The following JAKMIP3 variants were observed in gnomAD, a reference collection of about 807,000 sequenced individuals.
JAKMIP3 encodes the protein janus kinase and microtubule-interacting protein 3.
Under a neutral mutation model 118.5 loss-of-function variants are expected in JAKMIP3, and 58 were observed. That is an observed-to-expected ratio of 0.49 (90% CI 0.40 to 0.61). The LOEUF (loss-of-function observed/expected upper bound fraction) is 0.61. Ranked by LOEUF, JAKMIP3 falls within the 20% of genes least tolerant of loss-of-function variation. JAKMIP3 has a pLI of 0.00. For missense variants in JAKMIP3, 950 were observed against 1,109.0 expected (o/e 0.86, Z 2.04); for synonymous variants, 486 against 451.2 (o/e 1.08, Z -0.98).
rs7084377 is a variant in JAKMIP3 at position 132,119,370 on chromosome 10, C to T, written c.633+1796C>T. The stretch of plus-strand genomic sequence containing the variant: ...TATCTTTCCCTTTAGGATTGGTACT[C>T]ACTTTGTCTTGTTTAGGAAATCTTT... On this transcript the variant is annotated intron_variant, in intron 3 of 23. Coordinates refer to ENST00000684848, the MANE Select transcript of JAKMIP3 (RefSeq NM_001323087.2). 9.2e-3 allele frequency among the ~76,000 whole-genome samples: 1,407 copies of T among 152,268 alleles called. 28 individuals carry two copies. The highest frequency in any genetic ancestry group is 0.032 in the African/African-American group (1,330 of 41,540).
intron 2 of JAKMIP3, among the ~76,000 whole-genome samples, chr10:132,109,017 G>GCAAATGTATATATA (rs1564908103): frequency 2.2e-4 from 25 of 115,818 alleles, no homozygotes; most frequent in African/African-American, 7.7e-4. Context: ...ATGTATATAT[G>GCAAATGTATATATA]TATACAAATT....
At chr10:132,084,474 CAT>C (rs2042143439) in intron 1 of JAKMIP3, among the ~76,000 whole-genome samples, 1 of 152,190 alleles carries the variant, frequency 6.6e-6, no homozygotes, top group South Asian at 2.1e-4. Context: ...ACAATCATAT[CAT>C]CAGCAAACAG....
chr10:132,081,748 C>T (rs894569202), intron 1 of JAKMIP3, among the ~76,000 whole-genome samples: 2 of 152,076 alleles, frequency 1.3e-5, no homozygotes, highest in Non-Finnish European at 2.9e-5. Flanking sequence ...GCTGAGCCAA[C>T]TGGCCTTTCC....
At chr10:132,105,499 C>G (rs937225523) in intron 2 of JAKMIP3, among the ~76,000 whole-genome samples, 1 of 117,644 alleles carries the variant, frequency 8.5e-6, no homozygotes, top group African/African-American at 3.3e-5. Context: ...TTTGAAGCCT[C>G]GGGAAAGATT....
At chr10:132,036,749 G>GCCGGGGTGGGGCCGCGA (rs1394312658) in intron 1 of JAKMIP3, among the ~76,000 whole-genome samples, 3 of 151,108 alleles carry the variant, frequency 2.0e-5, no homozygotes, top group Non-Finnish European at 4.4e-5. Flanking sequence ...GTGAGCAGCG[G>GCCGGGGTGGGGCCGCGA]CCGGGGTGGG....
intron 1 of JAKMIP3, among the ~76,000 whole-genome samples, chr10:132,100,183 G>A (rs117789140): frequency 1.7e-4 from 16 of 93,246 alleles, no homozygotes; most frequent in South Asian, 3.5e-4. Flanking sequence ...CGGACCCCCC[G>A]CACAGACCCC....
chr10:132,083,907 G>A (rs9419352), intron 1 of JAKMIP3, among the ~76,000 whole-genome samples: 118,195 of 152,152 alleles, frequency 0.78, 47,217 homozygotes, highest in East Asian at 1. Context: ...CTGTTTTTAT[G>A]CCAGTACCAC....
At chr10:132,082,912 CCA>C (rs1471476952) in intron 1 of JAKMIP3, among the ~76,000 whole-genome samples, 4 of 152,230 alleles carry the variant, frequency 2.6e-5, no homozygotes, top group Non-Finnish European at 4.4e-5. Context: ...CCGGCCTATA[CCA>C]CAGTTTCTTT....
At chr10:132,041,837 A>G (rs2037762945) in intron 1 of JAKMIP3, among the ~76,000 whole-genome samples, 1 of 148,808 alleles carries the variant, frequency 6.7e-6, no homozygotes, top group African/African-American at 2.5e-5. Flanking sequence ...TTTTCTTTCT[A>G]TCCTTTCTTT....
In JAKMIP3 at chr10:132,153,887, C is replaced by T. The variant is rs369683550; in HGVS notation, c.2143-26C>T. The T allele has an allele frequency of 2.5e-5, 41 of 1,612,582 alleles. 2 individuals are homozygous for T. The highest frequency in any genetic ancestry group is 5.5e-5 in the South Asian group (5 of 91,064). ...GTGCTGCAGGTGGGACATCCGAGAC[C>T]GAGGCATGGCCCTCCTGTGTTTCAG... On this transcript the variant is annotated intron_variant, in intron 18 of 23. Coordinates refer to ENST00000684848, the MANE Select transcript of JAKMIP3 (RefSeq NM_001323087.2).
chr10:132,133,513 C>T lies in JAKMIP3; in HGVS notation c.835C>T (p.His279Tyr). The T allele has an allele frequency of 1.3e-6, 2 of 1,566,756 alleles. No individual in the cohort carries two copies. Among genetic ancestry groups the T allele is most frequent in the Non-Finnish European group, 1.7e-6 (2 of 1,156,866 alleles). ...AGCTGGTGCAGGAGACGCTTCAGAC[C>T]ACTCGGGAAGCCCTGTAAGCACCTC... ...HAAGAGDASD[H>Y]SGSPEQQLDE... is the part of the protein sequence containing the mutation. The change falls in exon 4 of 24, where the codon CAC becomes TAC. Residue 279 changes from histidine (H) to tyrosine (Y), a missense_variant. By Grantham distance (83) the His-to-Tyr change is moderately conservative. Transcript: ENST00000684848.
chr10:132,083,855 T>C (rs547705315), intron 1 of JAKMIP3, among the ~76,000 whole-genome samples: 3 of 152,200 alleles, frequency 2.0e-5, no homozygotes, highest in Non-Finnish European at 4.4e-5. Context: ...TTGGGTTTAT[T>C]TGAACCCAAA....
rs1565015639 is a variant in JAKMIP3 at position 132,179,132 on chromosome 10, C to T, written c.*1104-3225C>T. ...GCCGCCCTTGGCACTGTCCAATGAG[C>T]CAAGTTCATGATTGTGGTTGTCAAC... is the stretch of plus-strand genomic sequence containing the variant. On this transcript the variant is annotated intron_variant, in intron 23 of 23. Transcript: ENST00000684848. The surrounding 1 kb of genome is among the most constrained non-coding windows in gnomAD (Gnocchi z 4.3). Among the ~76,000 whole-genome samples, 1 of 152,214 alleles carries T rather than the reference C, an allele frequency of 6.6e-6. No homozygotes were observed. Among genetic ancestry groups the T allele is most frequent in the East Asian group, 1.9e-4 (1 of 5,192 alleles).
chr10:132,154,057 G>C, intron 19 of JAKMIP3, 67 bp downstream of exon 19: 1 of 1,401,644 alleles, frequency 7.1e-7, no homozygotes, highest in South Asian at 1.2e-5. Context: ...CGTGGCTCAG[G>C]TGCCCAGCAG....
intron 1 of JAKMIP3, among the ~76,000 whole-genome samples, chr10:132,102,404 T>G (rs2045108491): frequency 6.6e-6 from 1 of 152,088 alleles, no homozygotes; most frequent in African/African-American, 2.4e-5. Flanking sequence ...TGAGGGCACC[T>G]TCCTCCCTCT....
At chr10:132,180,357 T>G (rs1447571399) in intron 23 of JAKMIP3, among the ~76,000 whole-genome samples, 1 of 140,674 alleles carries the variant, frequency 7.1e-6, no homozygotes, top group East Asian at 2.1e-4. Context: ...ACCTGTCCTG[T>G]GCCTGACATG....
At position 132,180,646 on chromosome 10, in the gene JAKMIP3, C is replaced by CGT. The variant is rs1187732479; in HGVS notation, c.*1104-1707_*1104-1706dup. Among the ~76,000 whole-genome samples the CGT allele has an allele frequency of 2.2e-3, 18 of 8,314 alleles. 5 individuals carry two copies. The highest frequency in any genetic ancestry group is 0.011 in the South Asian group (2 of 188). 5.5% of individuals were successfully genotyped at this position (8,314 alleles called of 152,430 possible). ...GTGTGCGTGTGTGCGTGCGTGTGTG[C>CGT]GTGTGCGTGTGCGTGTGTGCGTGTG... is the stretch of plus-strand genomic sequence containing the variant. On this transcript the variant is annotated intron_variant, in intron 23 of 23. Transcript: ENST00000684848.
chr10:132,125,404 G>A (rs949743572), intron 3 of JAKMIP3, among the ~76,000 whole-genome samples: 20 of 152,382 alleles, frequency 1.3e-4, no homozygotes, highest in African/African-American at 4.8e-4. Flanking sequence ...CTCTTTCCAG[G>A]CCCCGTTACG....
At chr10:132,108,805 C>T (rs2046306621) in intron 2 of JAKMIP3, among the ~76,000 whole-genome samples, 1 of 151,142 alleles carries the variant, frequency 6.6e-6, no homozygotes, top group South Asian at 2.1e-4. Context: ...GAATTCGAGA[C>T]CAGCCTGGGC....
Sources: gnomAD v4.1 joint callset for allele counts (sites outside exome capture counted in the v4.1 genomes callset) on GRCh38, gnomAD v4.1.1 for gene constraint, Gnocchi (gnomAD v3.1) non-coding constraint, MANE v1.5 for transcripts, NCBI Gene and HGNC (gene_info 2026-07-23, HGNC 2026-07-21) for gene names.